The following TCF7L2 variants were observed in gnomAD, a reference collection of about 807,000 sequenced individuals.
TCF7L2 encodes transcription factor 7-like 2.
A neutral mutation model predicts 77.9 loss-of-function variants in TCF7L2; 23 were observed. The observed-to-expected ratio is 0.30, with a 90% confidence interval of 0.21 to 0.42. The LOEUF is 0.42. Ranked by LOEUF, TCF7L2 falls within the 10% of genes least tolerant of loss-of-function variation. The pLI, the probability that TCF7L2 is intolerant of heterozygous loss-of-function variation, is 1.00. For missense variants in TCF7L2, 654 were observed against 793.1 expected, an observed-to-expected ratio of 0.82 and a Z score of 2.11; for synonymous variants, 413 against 340.2, an observed-to-expected ratio of 1.21 and a Z score of -2.36.
intron 4 of TCF7L2, among the ~76,000 whole-genome samples, chr10:113,028,336 A>G (rs997785211): frequency 6.6e-6 from 1 of 152,150 alleles, no homozygotes; most frequent in African/African-American, 2.4e-5. Context: ...TGGGGCCTCC[A>G]GAAGGTCAGC....
At chr10:113,072,880 A>C (rs1451122174) in intron 5 of TCF7L2, among the ~76,000 whole-genome samples, 1 of 152,168 alleles carries the variant, frequency 6.6e-6, no homozygotes, top group Non-Finnish European at 1.5e-5. Flanking sequence ...TCCATACATC[A>C]TGATTGTGAT....
At chr10:113,014,699 T>C (rs1392286292) in intron 4 of TCF7L2, among the ~76,000 whole-genome samples, 2 of 151,134 alleles carry the variant, frequency 1.3e-5, no homozygotes, top group East Asian at 2.0e-4. Context: ...GCAGGGAGAA[T>C]TGCTTGATCC....
Position 113,150,460 on chromosome 10 carries a change from A to C in TCF7L2, c.876-538A>C, listed in dbSNP as rs531809917. On this transcript the variant is annotated intron_variant, in intron 8 of 13. Transcript: ENST00000627217. ...TCTCCCATTCCTGTCAAATGATGGG[A>C]CACAGCACAAAAGAAAAATAAAAAT... Among the ~76,000 whole-genome samples, 13 of 152,300 alleles carry C rather than the reference A, an allele frequency of 8.5e-5. No individual in the cohort carries two copies. In the South Asian group the frequency reaches 2.7e-3, roughly 32 times the overall value.
chr10:113,056,245 A>G (rs1212083643), intron 5 of TCF7L2, among the ~76,000 whole-genome samples: 2 of 152,248 alleles, frequency 1.3e-5, no homozygotes, highest in African/African-American at 4.8e-5. Context: ...TGGCAGAGCC[A>G]AGATTCAAAT....
rs1246868877 is a variant in TCF7L2 at position 112,950,577 on chromosome 10, T to G, written c.-180T>G. On this transcript the variant is annotated 5_prime_UTR_variant, in exon 1 of 14. Coordinates refer to ENST00000627217, the MANE Select transcript of TCF7L2 (RefSeq NM_001146274.2). The stretch of plus-strand genomic sequence containing the variant: ...AGATCTCCCCCCCCTTCCCCTCCCC[T>G]CCTCCCTCTTTTCCCCTCCCCAGGA... 4 of 91,952 alleles carry G rather than the reference T, an allele frequency of 4.4e-5. No homozygotes were observed. The highest frequency in any genetic ancestry group is 8.3e-5 in the Non-Finnish European group (4 of 48,330). The allele number at this position is 91,952 out of a possible 1,614,324, so 5.7% of individuals were successfully genotyped here.
At position 113,165,934 on chromosome 10, in the gene TCF7L2, C is replaced by A. The variant is rs759270464; in HGVS notation, c.1771C>A (p.Pro591Thr). The A allele has an allele frequency of 6.4e-7, 1 of 1,550,442 alleles. No individual in the cohort carries two copies. The highest frequency in any genetic ancestry group is 8.7e-7 in the Non-Finnish European group (1 of 1,146,918). ...CCACAGCTCCCTGGCCGGGACCCAG[C>A]CCCAGCCGCTGTCGCTCGTCACCAA... Residue 591 changes from proline (P) to threonine (T), a missense_variant, in exon 14 of 14, where the codon CCC becomes ACC. Pro to Thr is a conservative substitution (Grantham distance 38, BLOSUM62 -1). Transcript: ENST00000627217.
At chr10:113,145,581 A>T (rs2069219244) in intron 7 of TCF7L2, among the ~76,000 whole-genome samples, 1 of 152,202 alleles carries the variant, frequency 6.6e-6, no homozygotes, top group Non-Finnish European at 1.5e-5. Flanking sequence ...CGAGATCTAA[A>T]TACCGAAAGA....
At chr10:112,999,421 CTTA>C (rs2044080551) in intron 4 of TCF7L2, among the ~76,000 whole-genome samples, 2 of 152,192 alleles carry the variant, frequency 1.3e-5, no homozygotes, top group African/African-American at 4.8e-5. Context: ...ACGAGTCCTT[CTTA>C]TTATATAATA....
At chr10:113,104,709 A>C (rs2062063131) in intron 5 of TCF7L2, among the ~76,000 whole-genome samples, 1 of 152,168 alleles carries the variant, frequency 6.6e-6, no homozygotes, top group Non-Finnish European at 1.5e-5. Context: ...CTACACCTGG[A>C]TGTTTACAAA....
chr10:113,003,545 T>C (rs994506899), intron 4 of TCF7L2, among the ~76,000 whole-genome samples: 1 of 152,220 alleles, frequency 6.6e-6, no homozygotes, highest in Non-Finnish European at 1.5e-5. Context: ...CCGCATCATG[T>C]TATCTTTGCT....
intron 5 of TCF7L2, among the ~76,000 whole-genome samples, chr10:113,135,033 C>A (rs573800200): frequency 6.6e-6 from 1 of 152,188 alleles, no homozygotes; most frequent in Non-Finnish European, 1.5e-5. Context: ...TAATAGGTTG[C>A]GGAGGTGAAT....
intron 4 of TCF7L2, among the ~76,000 whole-genome samples, chr10:112,997,603 C>T (rs947450288): frequency 6.6e-6 from 1 of 152,206 alleles, no homozygotes; most frequent in Non-Finnish European, 1.5e-5. Context: ...TGACACCAAC[C>T]TTCTCCCCCA....
chr10:113,058,711 C>CGT, intron 5 of TCF7L2, among the ~76,000 whole-genome samples: 1 of 150,668 alleles, frequency 6.6e-6, no homozygotes. Context: ...TGTGTGTGTG[C>CGT]GTGTGTGTGC....
chr10:113,095,180 C>CG (rs1301734620), intron 5 of TCF7L2, among the ~76,000 whole-genome samples: 1 of 152,144 alleles, frequency 6.6e-6, no homozygotes, highest in African/African-American at 2.4e-5. Context: ...TCTCATGTGG[C>CG]AGAGGGTGGA....
In TCF7L2 at chr10:113,045,609, T is replaced by C. The variant is rs375187714; in HGVS notation, c.552+5483T>C. Among the ~76,000 whole-genome samples, 26 of 152,068 alleles carry C rather than the reference T, an allele frequency of 1.7e-4. 1 individual carries two copies. The highest frequency in any genetic ancestry group is 6.8e-3 in the Middle Eastern group (2 of 294). Reference sequence around the variant, plus strand: ...TGGCCAGAGACTGGGCTTCTGGGTGTCGTGCTGTGACTGCTGCAAAGGGCT... The same window carrying C: ...TGGCCAGAGACTGGGCTTCTGGGTGCCGTGCTGTGACTGCTGCAAAGGGCT... On this transcript the variant is annotated intron_variant, in intron 5 of 13. Coordinates refer to ENST00000627217, the MANE Select transcript of TCF7L2 (RefSeq NM_001146274.2).
intron 5 of TCF7L2, among the ~76,000 whole-genome samples, chr10:113,050,083 G>A (rs1233900032): frequency 6.6e-6 from 1 of 152,208 alleles, no homozygotes; most frequent in Non-Finnish European, 1.5e-5. Context: ...TCTGGATGGT[G>A]TGAAGCAATC....
intron 5 of TCF7L2, among the ~76,000 whole-genome samples, chr10:113,112,349 CAT>C (rs2063240886): frequency 6.6e-6 from 1 of 152,254 alleles, no homozygotes; most frequent in Non-Finnish European, 1.5e-5. Context: ...CACACACACA[CAT>C]GCACACATGC....
intron 3 of TCF7L2, among the ~76,000 whole-genome samples, chr10:112,961,893 A>ATGTG (rs112146089): frequency 2.2e-4 from 33 of 148,536 alleles, no homozygotes; most frequent in Middle Eastern, 3.4e-3. Flanking sequence ...GTGTGCGTGT[A>ATGTG]TGTGTGTGTG....
intron 5 of TCF7L2, among the ~76,000 whole-genome samples, chr10:113,130,243 C>G (rs1309679739): frequency 8.5e-5 from 13 of 152,146 alleles, no homozygotes; most frequent in Admixed American, 8.5e-4. Context: ...TCATCACAGT[C>G]CTTACACTTC....
Sources: gnomAD v4.1 joint callset for allele counts (sites outside exome capture counted in the v4.1 genomes callset) on GRCh38, gnomAD v4.1.1 for gene constraint, MANE v1.5 for transcripts, NCBI Gene and HGNC (gene_info 2026-07-23, HGNC 2026-07-21) for gene names.